FGF14: variants seen among roughly 807,000 people sequenced by gnomAD.
FGF14 encodes the protein fibroblast growth factor 14.
In FGF14, 5 loss-of-function variants were observed where a neutral mutation model predicts 25.5. The ratio of observed to expected loss-of-function variants is 0.20; its 90% CI spans 0.10 to 0.41. FGF14 has a LOEUF of 0.41. FGF14 is among the 10% of genes least tolerant of loss of function. The pLI is 1.00. For missense variants in FGF14, 222 were observed against 320.1 expected (o/e 0.69, Z 2.34); for synonymous variants, 138 against 118.3 (o/e 1.17, Z -1.08).
At chr13:101,956,084 C>T (rs1393949497) in intron 1 of FGF14, among the ~76,000 whole-genome samples, 1 of 152,182 alleles carries the variant, frequency 6.6e-6, no homozygotes, top group African/African-American at 2.4e-5. Flanking sequence ...ACTTCATCAT[C>T]TCAAAATATT....
chr13:101,986,940 A>G (rs1468474638), intron 1 of FGF14, among the ~76,000 whole-genome samples: 2 of 52,246 alleles, frequency 3.8e-5, no homozygotes, highest in East Asian at 2.1e-3. Flanking sequence ...ATGTGCATGC[A>G]CACACACACA....
intron 1 of FGF14, among the ~76,000 whole-genome samples, chr13:102,093,537 G>C (rs1358242491): frequency 6.6e-6 from 1 of 152,166 alleles, no homozygotes; most frequent in Non-Finnish European, 1.5e-5. Context: ...GCATGAGCAG[G>C]TCATAACCCT....
intron 1 of FGF14, among the ~76,000 whole-genome samples, chr13:102,158,876 T>C (rs1594201996): frequency 6.6e-6 from 1 of 152,068 alleles, no homozygotes; most frequent in East Asian, 1.9e-4. Flanking sequence ...CAGTGGCTCA[T>C]GCCTGTAATC....
intron 1 of FGF14, among the ~76,000 whole-genome samples, chr13:101,968,418 A>T (rs191357764): frequency 6.6e-6 from 1 of 152,284 alleles, no homozygotes; most frequent in Non-Finnish European, 1.5e-5. Flanking sequence ...TCATGCCTGT[A>T]ATCCCAGCAC....
chr13:102,328,257 G>A (rs1325483772), intron 1 of FGF14, among the ~76,000 whole-genome samples: 1 of 152,062 alleles, frequency 6.6e-6, no homozygotes, highest in Non-Finnish European at 1.5e-5. Flanking sequence ...TTATTTAATC[G>A]CTTATTTATC....
intron 1 of FGF14, among the ~76,000 whole-genome samples, chr13:102,097,140 TA>T (rs2044440585): frequency 6.6e-6 from 1 of 152,176 alleles, no homozygotes; most frequent in South Asian, 2.1e-4. Context: ...CCTAGGTGGT[TA>T]TCACAAGATG....
chr13:101,786,848 T>C (rs1352824897), intron 3 of FGF14, among the ~76,000 whole-genome samples: 1 of 152,164 alleles, frequency 6.6e-6, no homozygotes, highest in African/African-American at 2.4e-5. Context: ...ATAGCATTTA[T>C]ATAGGCTGGT....
chr13:101,975,553 A>T lies in FGF14; in HGVS notation c.209-100257T>A, dbSNP rs185991507. ...CCTCTGTTACATGGTTTACCTGCTT[A>T]AACACAGGGCTGTGTCTTAATCATG... On this transcript the variant is annotated intron_variant, in intron 1 of 4. Transcript: ENST00000376131. Among the ~76,000 whole-genome samples the T allele has an allele frequency of 2.5e-3, 380 of 152,296 alleles. 3 individuals carry two copies. The highest frequency in any genetic ancestry group is 1.0e-3 in the Non-Finnish European group (69 of 68,026).
intron 1 of FGF14, among the ~76,000 whole-genome samples, chr13:101,966,472 G>GTT (rs199927770): frequency 1.3e-5 from 2 of 151,468 alleles, no homozygotes; most frequent in African/African-American, 4.9e-5. Flanking sequence ...AAATCTTGTG[G>GTT]TTTTTTTTGT....
chr13:101,896,945 A>G (rs374759783), intron 1 of FGF14, among the ~76,000 whole-genome samples: 12 of 152,308 alleles, frequency 7.9e-5, no homozygotes, highest in East Asian at 3.9e-4. Flanking sequence ...GCTTCTAGGC[A>G]AGACATAAGA....
chr13:102,334,638 A>C (rs2056737173), intron 1 of FGF14, among the ~76,000 whole-genome samples: 1 of 152,196 alleles, frequency 6.6e-6, no homozygotes, highest in South Asian at 2.1e-4. Context: ...GGGATAAAAA[A>C]AGTGTTCGTA....
At chr13:102,263,088 A>T in intron 1 of FGF14, 3 of 636,730 alleles carry the variant, frequency 4.7e-6, no homozygotes, top group South Asian at 4.3e-5. Flanking sequence ...TTGGAGTTTC[A>T]CCTGACTTTA....
chr13:102,161,665 A>G (rs866483534), intron 1 of FGF14, among the ~76,000 whole-genome samples: 4 of 43,050 alleles, frequency 9.3e-5, no homozygotes, highest in Non-Finnish European at 2.1e-4. Context: ...GAAGAAGAAG[A>G]AGAAGAAGAA....
intron 1 of FGF14, among the ~76,000 whole-genome samples, chr13:102,220,572 T>G (rs745663739): frequency 6.6e-6 from 1 of 152,212 alleles, no homozygotes; most frequent in African/African-American, 2.4e-5. Context: ...ATTATTCTCC[T>G]TAGTTAGTCT....
intron 1 of FGF14, among the ~76,000 whole-genome samples, chr13:102,080,915 G>A (rs540948125): frequency 6.7e-4 from 102 of 152,322 alleles, no homozygotes; most frequent in African/African-American, 2.3e-3. Flanking sequence ...CTACCCAGGG[G>A]AAGCCACTAG....
At chr13:102,038,975 G>A (rs2041605086) in intron 1 of FGF14, among the ~76,000 whole-genome samples, 1 of 152,092 alleles carries the variant, frequency 6.6e-6, no homozygotes, top group Non-Finnish European at 1.5e-5. Context: ...CTGTACTACT[G>A]GTAGTGACAT....
At chr13:102,251,692 C>T (rs944674191) in intron 1 of FGF14, among the ~76,000 whole-genome samples, 3 of 152,088 alleles carry the variant, frequency 2.0e-5, no homozygotes, top group South Asian at 2.1e-4. Context: ...TCCAAATTCA[C>T]GTTGGGGCAA....
At chr13:102,172,953 CA>C (rs774040241) in intron 1 of FGF14, among the ~76,000 whole-genome samples, 1 of 152,120 alleles carries the variant, frequency 6.6e-6, no homozygotes, top group Non-Finnish European at 1.5e-5. Flanking sequence ...TGTTTAATAA[CA>C]GTTTGACACA....
intron 1 of FGF14, among the ~76,000 whole-genome samples, chr13:102,078,057 T>A (rs2043444212): frequency 6.6e-6 from 1 of 152,154 alleles, no homozygotes. Context: ...ATACTGCATG[T>A]CCTCATTCCT....
Sources: gnomAD v4.1 joint callset for allele counts (sites outside exome capture counted in the v4.1 genomes callset) on GRCh38, gnomAD v4.1.1 for gene constraint, MANE v1.5 for transcripts, NCBI Gene and HGNC (gene_info 2026-07-23, HGNC 2026-07-21) for gene names.